CSMD3: variants seen among roughly 807,000 people sequenced by gnomAD.
CSMD3 encodes the protein CUB and sushi domain-containing protein 3.
Under a neutral mutation model 435.2 loss-of-function variants are expected in CSMD3, and 177 were observed. The observed-to-expected ratio is 0.41, with a 90% CI of 0.36 to 0.46. The LOEUF is 0.46. CSMD3 is among the 20% of genes least tolerant of loss of function. CSMD3 has a pLI of 0.34. For missense variants in CSMD3, 4,265 were observed against 4,504.6 expected, an observed-to-expected ratio of 0.95 and a Z score of 1.52; for synonymous variants, 1,656 against 1,520.5, an observed-to-expected ratio of 1.09 and a Z score of -2.07.
At chr8:112,527,132 A>G (rs138870250) in intron 27 of CSMD3, among the ~76,000 whole-genome samples, 3 of 152,102 alleles carry the variant, frequency 2.0e-5, no homozygotes, top group Admixed American at 6.5e-5. Context: ...TAAGTAGTCT[A>G]ATGGTTAAAA....
chr8:112,333,282 C>T (rs1412612503), intron 45 of CSMD3, among the ~76,000 whole-genome samples: 2 of 152,160 alleles, frequency 1.3e-5, no homozygotes, highest in Non-Finnish European at 2.9e-5. Context: ...ATTCTCCTGC[C>T]TCAGCCACCT....
Position 112,287,079 on chromosome 8 carries a change from G to GCTT in CSMD3, c.9315_9316insAAG (p.Arg3105_Gln3106insLys). The GCTT allele has an allele frequency of 6.2e-7, 1 of 1,613,472 alleles. No homozygotes were observed. Among genetic ancestry groups the GCTT allele is most frequent in the Non-Finnish European group, 8.5e-7 (1 of 1,179,580 alleles). On this transcript the variant is annotated inframe_insertion, in exon 58 of 71. Transcript: ENST00000297405. ...TTGAGATTACCTTTGCACTCTGGCTGCCTTCCGGTCCAACTGCCATTAGCT... is the reference window on the plus strand; with the variant it reads ...TTGAGATTACCTTTGCACTCTGGCTGCTTCCTTCCGGTCCAACTGCCATTAGCT...
chr8:112,266,044 A>G (rs1262688501), intron 59 of CSMD3, among the ~76,000 whole-genome samples: 2 of 152,118 alleles, frequency 1.3e-5, no homozygotes, highest in Non-Finnish European at 2.9e-5. Flanking sequence ...GACAACCCCC[A>G]AGAAATTGCA....
intron 17 of CSMD3, among the ~76,000 whole-genome samples, chr8:112,664,440 G>A (rs1439200056): frequency 3.3e-5 from 5 of 152,106 alleles, no homozygotes; most frequent in African/African-American, 1.2e-4. Context: ...TGTTTTTCAA[G>A]CTTTCTAAAA....
At chr8:113,136,022 G>GC (rs1423657767) in intron 4 of CSMD3, among the ~76,000 whole-genome samples, 2 of 151,754 alleles carry the variant, frequency 1.3e-5, no homozygotes, top group Non-Finnish European at 2.9e-5. Flanking sequence ...ATGCAAACAG[G>GC]CACAATATAG....
chr8:112,713,313 C>T (rs1422501427), intron 13 of CSMD3, among the ~76,000 whole-genome samples: 1 of 151,290 alleles, frequency 6.6e-6, no homozygotes, highest in Non-Finnish European at 1.5e-5. Flanking sequence ...AATATTAGAG[C>T]GTGAAGACCA....
At chr8:112,781,350 A>C (rs1464925220) in intron 13 of CSMD3, among the ~76,000 whole-genome samples, 1 of 152,050 alleles carries the variant, frequency 6.6e-6, no homozygotes, top group Non-Finnish European at 1.5e-5. Flanking sequence ...TTGAGGAAAA[A>C]AGAGGAAAAA....
intron 5 of CSMD3, among the ~76,000 whole-genome samples, chr8:113,065,361 G>A (rs2088806750): frequency 6.6e-6 from 1 of 152,016 alleles, no homozygotes; most frequent in South Asian, 2.1e-4. Flanking sequence ...GGCAAGGCAT[G>A]GGGAATAAAA....
intron 4 of CSMD3, among the ~76,000 whole-genome samples, chr8:113,115,698 T>C (rs542413757): frequency 1.3e-5 from 2 of 152,298 alleles, no homozygotes; most frequent in Admixed American, 6.5e-5. Context: ...TAGTGAAACT[T>C]TGTGTTATTT....
chr8:113,082,121 A>G (rs2089588930), intron 5 of CSMD3, among the ~76,000 whole-genome samples: 2 of 152,076 alleles, frequency 1.3e-5, no homozygotes, highest in East Asian at 3.9e-4. Context: ...GTGTTCTGCC[A>G]GGGGCCCAAG....
chr8:112,277,316 T>A (rs1009099879), intron 59 of CSMD3, among the ~76,000 whole-genome samples: 3 of 152,142 alleles, frequency 2.0e-5, no homozygotes, highest in Non-Finnish European at 2.9e-5. Flanking sequence ...TCCACAAATC[T>A]CTAGGGCAAG....
At chr8:112,737,047 G>T (rs1311288139) in intron 13 of CSMD3, among the ~76,000 whole-genome samples, 1 of 151,982 alleles carries the variant, frequency 6.6e-6, no homozygotes, top group Admixed American at 6.6e-5. Flanking sequence ...TAGAAAAGTT[G>T]AGGCAACCTT....
chr8:113,317,907 ATTCT>A (rs1165505883), intron 1 of CSMD3, among the ~76,000 whole-genome samples: 4 of 152,172 alleles, frequency 2.6e-5, no homozygotes, highest in African/African-American at 9.7e-5. Flanking sequence ...CTTCTACTAC[ATTCT>A]TCTTTGAAAG....
chr8:112,352,663 C>T (rs561934022), intron 38 of CSMD3, 129 bp from the exon 39 acceptor site: 29 of 800,480 alleles, frequency 3.6e-5, no homozygotes, highest in South Asian at 1.5e-4. Context: ...ACGTTGAGAA[C>T]GTTCTGTGAA....
At chr8:112,266,556 CAT>C (rs1312289926) in intron 59 of CSMD3, among the ~76,000 whole-genome samples, 1 of 152,112 alleles carries the variant, frequency 6.6e-6, no homozygotes, top group East Asian at 1.9e-4. Context: ...TATCACAGAG[CAT>C]TAAACTCTAA....
Position 113,055,325 on chromosome 8 carries a change from A to G in CSMD3, c.918-36146T>C, listed in dbSNP as rs562345007. ...GCCACCGCGCCCGGCCTTGAGAAGT[A>G]TTTCATAGGTTCTCATCATTCTGCA... On this transcript the variant is annotated intron_variant, in intron 5 of 70. Transcript: ENST00000297405. Among the ~76,000 whole-genome samples the G allele has an allele frequency of 5.9e-5, 9 of 152,222 alleles. No homozygotes were observed. The East Asian group carries it at 1.7e-3, about 29-fold the overall frequency.
Position 112,224,877 on chromosome 8 carries a change from C to A in CSMD3, c.11018G>T (p.Gly3673Val), listed in dbSNP as rs781740221. The A allele has an allele frequency of 6.2e-6, 10 of 1,613,896 alleles. No individual in the cohort carries two copies. The African/African-American group carries it at 1.3e-4, about 22-fold the overall frequency. The part of the protein sequence containing the change: ...TGCSVHENNN[G>V]QAAFENPMYD... Reference sequence around the variant, plus strand: ...CATGGGATTTTCAAAAGCTGCTTGGCCATTGTTATTTTCATGAACTGAACA... The same window carrying A: ...CATGGGATTTTCAAAAGCTGCTTGGACATTGTTATTTTCATGAACTGAACA... Residue 3673 changes from glycine to valine, a missense_variant, in exon 71 of 71, where the codon GGC becomes GTC. Coordinates refer to ENST00000297405, the MANE Select transcript of CSMD3 (RefSeq NM_198123.2).
At chr8:112,427,355 G>T (rs902807587) in intron 32 of CSMD3, among the ~76,000 whole-genome samples, 2 of 152,054 alleles carry the variant, frequency 1.3e-5, no homozygotes, top group African/African-American at 4.8e-5. Flanking sequence ...AATCATGGAG[G>T]TGGTTACCTC....
rs768840652 is a variant in CSMD3, at chr8:113,240,142, A to C, written c.514+38450T>G. Among the ~76,000 whole-genome samples the C allele has an allele frequency of 5.3e-5, 8 of 152,218 alleles. No individual in the cohort carries two copies. In the Middle Eastern group the frequency reaches 0.017, roughly 324 times the overall value. On this transcript the variant is annotated intron_variant, in intron 3 of 70. Transcript: ENST00000297405. ...TTCCTGTGTTAGTTTGCTAAAGATAATGGCTTCCAGCTCCATCCATGTCCT... is the reference window on the plus strand; with the variant it reads ...TTCCTGTGTTAGTTTGCTAAAGATACTGGCTTCCAGCTCCATCCATGTCCT...
Sources: gnomAD v4.1 joint callset for allele counts (sites outside exome capture counted in the v4.1 genomes callset) on GRCh38, gnomAD v4.1.1 for gene constraint, MANE v1.5 for transcripts, NCBI Gene and HGNC (gene_info 2026-07-23, HGNC 2026-07-21) for gene names.